THSD7A: variants seen among roughly 807,000 people sequenced by gnomAD.
The protein encoded by THSD7A is thrombospondin type 1 domain containing 7A.
THSD7A carries 96 observed loss-of-function variants against 231.3 expected under a neutral mutation model. The ratio of observed to expected loss-of-function variants is 0.41; its 90% confidence interval spans 0.35 to 0.49. The LOEUF is 0.49. THSD7A is among the 20% of genes least tolerant of loss of function. The pLI is 0.05. For missense variants in THSD7A, 2,290 were observed against 2,070.2 expected (o/e 1.11, Z -2.06); for synonymous variants, 940 against 743.3 (o/e 1.26, Z -4.30).
intron 6 of THSD7A, among the ~76,000 whole-genome samples, chr7:11,497,547 T>C (rs953783779): frequency 1.3e-5 from 2 of 148,336 alleles, no homozygotes; most frequent in African/African-American, 4.9e-5. Flanking sequence ...AAAACACTGG[T>C]CATTTTTTTG....
intron 13 of THSD7A, among the ~76,000 whole-genome samples, chr7:11,440,772 T>A (rs1410394590): frequency 6.6e-6 from 1 of 152,072 alleles, no homozygotes; most frequent in Non-Finnish European, 1.5e-5. Context: ...TAAGATGGAA[T>A]CTGCTCCGGG....
chr7:11,825,059 T>TA (rs1491255859), intron 1 of THSD7A, among the ~76,000 whole-genome samples: 3 of 150,378 alleles, frequency 2.0e-5, no homozygotes, highest in Non-Finnish European at 4.4e-5. Flanking sequence ...TTTCTATATA[T>TA]TTTTTTTTGT....
chr7:11,456,723 A>G (rs1427403934), intron 11 of THSD7A, among the ~76,000 whole-genome samples: 1 of 152,028 alleles, frequency 6.6e-6, no homozygotes, highest in Non-Finnish European at 1.5e-5. Context: ...TGTATCATGA[A>G]AGCAGCCATA....
intron 1 of THSD7A, among the ~76,000 whole-genome samples, chr7:11,739,097 A>G (rs558361886): frequency 2.0e-5 from 3 of 152,148 alleles, no homozygotes; most frequent in South Asian, 2.1e-4. Flanking sequence ...CAAATGTTAT[A>G]CTCTTCATGA....
At chr7:11,516,857 T>C (rs1426118422) in intron 6 of THSD7A, among the ~76,000 whole-genome samples, 1 of 152,212 alleles carries the variant, frequency 6.6e-6, no homozygotes, top group African/African-American at 2.4e-5. Flanking sequence ...GCCATTAGTA[T>C]TTTTGGTAAG....
rs1389704560 is a variant in THSD7A, at chr7:11,389,437, T to C, written c.4412-6821A>G. 1.3e-3 allele frequency among the ~76,000 whole-genome samples: 80 copies of C among 60,384 alleles called. 2 individuals are homozygous for C. The highest frequency in any genetic ancestry group is 4.5e-3 in the African/African-American group (71 of 15,866). 39.6% of individuals were successfully genotyped at this position (60,384 alleles called of 152,430 possible). Reference sequence around the variant, plus strand: ...CAACTCCTGCTTTTTTTTTTTTTTTTTTTTTTTTTTTTTTTTTTTTTTTGC... The same window carrying C: ...CAACTCCTGCTTTTTTTTTTTTTTTCTTTTTTTTTTTTTTTTTTTTTTTGC... On this transcript the variant is annotated intron_variant, in intron 23 of 27. Coordinates refer to ENST00000423059, the MANE Select transcript of THSD7A (RefSeq NM_015204.3).
chr7:11,755,622 G>C (rs1782648531), intron 1 of THSD7A, among the ~76,000 whole-genome samples: 1 of 152,074 alleles, frequency 6.6e-6, no homozygotes, highest in South Asian at 2.1e-4. Flanking sequence ...CTGTCAAGAT[G>C]ATGGGAAGTC....
intron 23 of THSD7A, among the ~76,000 whole-genome samples, chr7:11,398,026 C>T (rs1168344447): frequency 1.3e-5 from 2 of 152,088 alleles, no homozygotes; most frequent in Non-Finnish European, 2.9e-5. Context: ...CCCAGCAATC[C>T]CATTACTGGG....
chr7:11,548,782 A>T (rs1209441148), intron 4 of THSD7A, among the ~76,000 whole-genome samples: 1 of 152,072 alleles, frequency 6.6e-6, no homozygotes. Flanking sequence ...GACGCAGAAA[A>T]GTCTTTTGAC....
At chr7:11,380,697 A>C (rs1236520875) in intron 24 of THSD7A, among the ~76,000 whole-genome samples, 1 of 152,208 alleles carries the variant, frequency 6.6e-6, no homozygotes. Flanking sequence ...AATTAAAGCA[A>C]TTGATCAAGA....
chr7:11,480,590 T>G (rs954206203), intron 7 of THSD7A, among the ~76,000 whole-genome samples: 10 of 151,980 alleles, frequency 6.6e-5, no homozygotes, highest in Non-Finnish European at 1.5e-4. Context: ...GAGCAAAGAG[T>G]TAAATATATA....
At chr7:11,640,752 T>C (rs966386108) in intron 1 of THSD7A, among the ~76,000 whole-genome samples, 2 of 152,154 alleles carry the variant, frequency 1.3e-5, no homozygotes, top group African/African-American at 4.8e-5. Context: ...ATTTTATTTC[T>C]ACTCAAGATG....
At chr7:11,690,947 A>G (rs1359511873) in intron 1 of THSD7A, among the ~76,000 whole-genome samples, 1 of 151,698 alleles carries the variant, frequency 6.6e-6, no homozygotes, top group African/African-American at 2.4e-5. Context: ...GAGGTGGTAT[A>G]GTCACAGAAT....
chr7:11,381,076 G>A (rs1198332690), intron 24 of THSD7A, among the ~76,000 whole-genome samples: 3 of 152,038 alleles, frequency 2.0e-5, no homozygotes, highest in Non-Finnish European at 4.4e-5. Context: ...TCTTTGAATA[G>A]TTTAAAAAAG....
intron 1 of THSD7A, among the ~76,000 whole-genome samples, chr7:11,754,746 A>G (rs536089835): frequency 2.6e-5 from 4 of 152,244 alleles, no homozygotes; most frequent in African/African-American, 9.6e-5. Context: ...GTTGATTTCA[A>G]CATACAATGT....
intron 1 of THSD7A, among the ~76,000 whole-genome samples, chr7:11,717,080 A>G (rs1190724708): frequency 1.7e-5 from 2 of 116,276 alleles, no homozygotes; most frequent in African/African-American, 6.5e-5. Context: ...GTGATAAGAG[A>G]GAAAGCTAAC....
chr7:11,431,385 G>T (rs1353267327), intron 13 of THSD7A, among the ~76,000 whole-genome samples: 1 of 152,068 alleles, frequency 6.6e-6, no homozygotes, highest in Admixed American at 6.6e-5. Flanking sequence ...TATGATAAAA[G>T]GTAGGGGTCC....
chr7:11,580,947 G>C (rs560399056), intron 4 of THSD7A, among the ~76,000 whole-genome samples: 1 of 151,998 alleles, frequency 6.6e-6, no homozygotes, highest in Non-Finnish European at 1.5e-5. Context: ...CTAAATCAGT[G>C]GTGTAACCTA....
chr7:11,618,085 A>C (rs562915167), intron 2 of THSD7A, among the ~76,000 whole-genome samples: 37 of 152,332 alleles, frequency 2.4e-4, no homozygotes, highest in Middle Eastern at 3.4e-3. Flanking sequence ...CACACCTAGG[A>C]ATATGTCCTA....
Sources: gnomAD v4.1 joint callset for allele counts (sites outside exome capture counted in the v4.1 genomes callset) on GRCh38, gnomAD v4.1.1 for gene constraint, MANE v1.5 for transcripts, NCBI Gene and HGNC (gene_info 2026-07-23, HGNC 2026-07-21) for gene names.